PKNOX2: variants seen among roughly 807,000 people sequenced by gnomAD.
PKNOX2 encodes the protein PBX/knotted 1 homeobox 2.
In PKNOX2, 14 loss-of-function variants were observed where a neutral mutation model predicts 53.1. The ratio of observed to expected loss-of-function variants is 0.26; its 90% confidence interval spans 0.17 to 0.41. PKNOX2 has a LOEUF of 0.41. PKNOX2 is among the 10% of genes least tolerant of loss of function. The pLI is 1.00. For synonymous variants in PKNOX2, 257 were observed against 242.8 expected (o/e 1.06, Z -0.54); for missense variants, 496 against 602.8 (o/e 0.82, Z 1.85).
At chr11:125,309,085 G>A (rs1948634994) in intron 2 of PKNOX2, among the ~76,000 whole-genome samples, 1 of 150,796 alleles carries the variant, frequency 6.6e-6, no homozygotes, top group Non-Finnish European at 1.5e-5. Context: ...ACACCAGTCT[G>A]CAGTCATCTT....
chr11:125,222,878 C>T (rs1941356431), intron 1 of PKNOX2, among the ~76,000 whole-genome samples: 1 of 151,834 alleles, frequency 6.6e-6, no homozygotes, highest in African/African-American at 2.4e-5. Context: ...TTGGGGTGAC[C>T]CAGCAACTGG....
chr11:125,236,031 G>A (rs35969480), intron 2 of PKNOX2, among the ~76,000 whole-genome samples: 25,191 of 152,220 alleles, frequency 0.17, 2,195 homozygotes, highest in African/African-American at 0.2. Context: ...TTGATAGTAC[G>A]TTGGCTTCCA....
At chr11:125,405,883 T>G (rs1385899339) in intron 7 of PKNOX2, among the ~76,000 whole-genome samples, 1 of 152,158 alleles carries the variant, frequency 6.6e-6, no homozygotes. Flanking sequence ...TCCAGAGGCT[T>G]GGGGACACCA....
Position 125,232,828 on chromosome 11 carries a change from C to CTT in PKNOX2, c.-200-2206_-200-2205dup, listed in dbSNP as rs536884769. Among the ~76,000 whole-genome samples the CTT allele has an allele frequency of 5.1e-3, 692 of 135,640 alleles. 4 individuals are homozygous for CTT. The highest frequency in any genetic ancestry group is 0.017 in the African/African-American group (650 of 37,324). 89.0% of individuals were successfully genotyped at this position (135,640 alleles called of 152,430 possible). ...TGGATTTAAATCAAATAATCCAAGTCTTTTTTTTTTTTCAAACTGGGTCAT... is the reference window on the plus strand; with the variant it reads ...TGGATTTAAATCAAATAATCCAAGTCTTTTTTTTTTTTTTCAAACTGGGTCAT... On this transcript the variant is annotated intron_variant, in intron 1 of 12. Coordinates refer to ENST00000298282, the MANE Select transcript of PKNOX2 (RefSeq NM_001382323.2).
chr11:125,398,979 T>G (rs745707402), intron 7 of PKNOX2, among the ~76,000 whole-genome samples: 2 of 152,242 alleles, frequency 1.3e-5, no homozygotes, highest in African/African-American at 2.4e-5. Flanking sequence ...AAAGAAAGGC[T>G]GTGCCGTTTT....
At chr11:125,364,830 G>T (rs541928088) in intron 4 of PKNOX2, among the ~76,000 whole-genome samples, 2 of 152,240 alleles carry the variant, frequency 1.3e-5, no homozygotes, top group Admixed American at 1.3e-4. Context: ...CCCTCATGGT[G>T]TCTGAGCCTG....
In PKNOX2 at chr11:125,198,639, A is replaced by G. The variant is rs548400715; in HGVS notation, c.-201+33863A>G. ...CACTTCCTCGAGTTTCCGACCTGTG[A>G]TAACAGGGGCCTGCTCTAAGACAAT... On this transcript the variant is annotated intron_variant, in intron 1 of 12. Transcript: ENST00000298282. Among the ~76,000 whole-genome samples the G allele has an allele frequency of 3.3e-5, 5 of 152,272 alleles. No individual in the cohort carries two copies. The South Asian group carries it at 1.0e-3, about 32-fold the overall frequency.
intron 2 of PKNOX2, among the ~76,000 whole-genome samples, chr11:125,289,422 T>G (rs951962941): frequency 3.9e-5 from 6 of 152,248 alleles, no homozygotes; most frequent in African/African-American, 1.4e-4. Flanking sequence ...CTTTGAATTT[T>G]GGGCATCTAG....
chr11:125,222,243 C>G lies in PKNOX2; in HGVS notation c.-200-12802C>G, dbSNP rs999946190. On this transcript the variant is annotated intron_variant, in intron 1 of 12. Transcript: ENST00000298282. ...TCTTTCCTCATCCTGAGCCACCCCC[C>G]TTGCTCTCTTCCAGTTGGGATTTTT... Among the ~76,000 whole-genome samples, 34 of 152,304 alleles carry G rather than the reference C, an allele frequency of 2.2e-4. 1 individual carries two copies. Among genetic ancestry groups the G allele is most frequent in the Admixed American group, 2.0e-3 (31 of 15,312 alleles).
At chr11:125,202,727 G>C (rs1173820443) in intron 1 of PKNOX2, among the ~76,000 whole-genome samples, 1 of 149,654 alleles carries the variant, frequency 6.7e-6, no homozygotes, top group Non-Finnish European at 1.5e-5. Flanking sequence ...GGTTGGGGGG[G>C]AGGGGTGAGT....
intron 10 of PKNOX2, among the ~76,000 whole-genome samples, chr11:125,420,555 T>G (rs1183313070): frequency 6.6e-6 from 1 of 151,884 alleles, no homozygotes; most frequent in East Asian, 1.9e-4. Flanking sequence ...CTAGTGCTTG[T>G]TGGTGGTAGA....
chr11:125,414,135 C>T (rs113839854), intron 10 of PKNOX2, among the ~76,000 whole-genome samples: 3 of 152,250 alleles, frequency 2.0e-5, no homozygotes, highest in Admixed American at 2.0e-4. Context: ...TGTCTTTCCA[C>T]TCCATGGTCA....
chr11:125,355,958 C>T (rs1040096838), intron 4 of PKNOX2, among the ~76,000 whole-genome samples: 2 of 151,914 alleles, frequency 1.3e-5, no homozygotes, highest in Admixed American at 6.6e-5. Flanking sequence ...GGGAGCCATC[C>T]GGGTTCACTA....
intron 6 of PKNOX2, among the ~76,000 whole-genome samples, chr11:125,391,370 G>C (rs1380255938): frequency 6.6e-6 from 1 of 152,150 alleles, no homozygotes; most frequent in South Asian, 2.1e-4. Context: ...AAGTGGAAAG[G>C]CCACGATCCT....
intron 5 of PKNOX2, among the ~76,000 whole-genome samples, chr11:125,384,941 T>C (rs1246998543): frequency 1.3e-5 from 2 of 152,172 alleles, no homozygotes; most frequent in Non-Finnish European, 2.9e-5. Flanking sequence ...TAAATAATCG[T>C]TGCATCATTG....
chr11:125,333,960 C>G (rs1023924782), intron 3 of PKNOX2, among the ~76,000 whole-genome samples: 1 of 152,024 alleles, frequency 6.6e-6, no homozygotes, highest in Middle Eastern at 3.2e-3. Flanking sequence ...AACGACAAAC[C>G]CTAACTGACA....
intron 10 of PKNOX2, among the ~76,000 whole-genome samples, chr11:125,423,224 C>T (rs1956255972): frequency 6.6e-6 from 1 of 152,148 alleles, no homozygotes; most frequent in Non-Finnish European, 1.5e-5. Flanking sequence ...AGAGACAAGA[C>T]AAGGATTCAA....
intron 1 of PKNOX2, among the ~76,000 whole-genome samples, chr11:125,222,605 C>CTGTGTGTATG (rs1284645332): frequency 5.7e-5 from 8 of 140,766 alleles, no homozygotes; most frequent in African/African-American, 1.3e-4. Context: ...GTGTGTGTGT[C>CTGTGTGTATG]TGTGTGTATG....
chr11:125,405,883 T>A (rs1385899339), intron 7 of PKNOX2, among the ~76,000 whole-genome samples: 3 of 152,158 alleles, frequency 2.0e-5, no homozygotes, highest in African/African-American at 4.8e-5. Flanking sequence ...TCCAGAGGCT[T>A]GGGGACACCA....
Sources: allele counts gnomAD v4.1 joint callset (sites outside exome capture counted in the v4.1 genomes callset), GRCh38; gene constraint gnomAD v4.1.1; transcripts MANE v1.5; gene names NCBI Gene and HGNC (gene_info 2026-07-23, HGNC 2026-07-21).